The following RTN4 variants were observed in gnomAD, a reference collection of about 807,000 sequenced individuals.
RTN4 encodes reticulon-4.
RTN4 carries 32 observed loss-of-function variants against 90.4 expected under a neutral mutation model. The ratio of observed to expected loss-of-function variants is 0.35; its 90% CI spans 0.27 to 0.48. The LOEUF (loss-of-function observed/expected upper bound fraction) is 0.48. RTN4 is among the 20% of genes least tolerant of loss of function. The pLI, the probability that RTN4 is intolerant of heterozygous loss-of-function variation, is 0.99. For synonymous variants in RTN4, 629 were observed against 552.5 expected (o/e 1.14, Z -1.94); for missense variants, 1,706 against 1,430.2 (o/e 1.19, Z -3.11).
At chr2:55,007,701 C>T (rs1224483818) in intron 3 of RTN4, among the ~76,000 whole-genome samples, 4 of 152,010 alleles carry the variant, frequency 2.6e-5, no homozygotes, top group East Asian at 3.9e-4. Context: ...TGGTAGGTCA[C>T]GACCCAAGGA....
intron 4 of RTN4, among the ~76,000 whole-genome samples, chr2:54,986,731 G>A (rs550164170): frequency 2.0e-5 from 3 of 152,326 alleles, no homozygotes; most frequent in East Asian, 3.9e-4. Context: ...GTCGGGCGTT[G>A]GTTGGGGAGT....
chr2:55,108,576 G>A (rs932264856), intron 1 of RTN4, among the ~76,000 whole-genome samples: 1 of 152,060 alleles, frequency 6.6e-6, no homozygotes, highest in African/African-American at 2.4e-5. Flanking sequence ...AGCAGCTCTA[G>A]TGGAGGGATG....
At chr2:55,051,694 G>A (rs370677969), upstream of RTN4, among the ~76,000 whole-genome samples, 1 of 152,192 alleles carries the variant, frequency 6.6e-6, no homozygotes, top group Non-Finnish European at 1.5e-5. Flanking sequence ...CACTCGGAAT[G>A]TATGTAGCTA....
In RTN4 at chr2:55,026,841, C is replaced by G; in HGVS notation, c.1258G>C (p.Val420Leu). Reference sequence around the variant, plus strand: ...CTATCTGCAAAACATTTTTTATCCACTTTACTTTCCAAGTTGCTCTCGATT... The same window carrying G: ...CTATCTGCAAAACATTTTTTATCCAGTTTACTTTCCAAGTTGCTCTCGATT... ...GKIESNLESK[V>L]DKKCFADSLE... is the part of the protein sequence containing the mutation. Residue 420 changes from valine (V) to leucine (L), a missense_variant, in exon 3 of 9, where the codon GTG (valine) becomes CTG (leucine). Physicochemically the swap from Val to Leu is conservative, Grantham distance 32. Coordinates refer to ENST00000337526, the MANE Select transcript of RTN4 (RefSeq NM_020532.5). 1 of 1,613,866 alleles carries G rather than the reference C, an allele frequency of 6.2e-7. No individual in the cohort carries two copies. The highest frequency in any genetic ancestry group is 1.1e-5 in the South Asian group (1 of 91,074).
intron 1 of RTN4, among the ~76,000 whole-genome samples, chr2:55,103,486 T>C (rs1332050329): frequency 6.6e-6 from 1 of 152,016 alleles, no homozygotes; most frequent in Non-Finnish European, 1.5e-5. Context: ...TTCTTACCCA[T>C]ACACACACAA....
At chr2:55,007,616 C>T (rs183818170) in intron 3 of RTN4, among the ~76,000 whole-genome samples, 3 of 152,154 alleles carry the variant, frequency 2.0e-5, no homozygotes, top group African/African-American at 7.2e-5. Flanking sequence ...ATCACTGTTT[C>T]CCGAATTTGC....
chr2:55,108,091 G>A (rs1276720159), intron 1 of RTN4, among the ~76,000 whole-genome samples: 1 of 151,952 alleles, frequency 6.6e-6, no homozygotes, highest in Non-Finnish European at 1.5e-5. Context: ...AACTAGCTGG[G>A]ATTACAGGCG....
the RTN4 span, among the ~76,000 whole-genome samples, chr2:55,133,360 A>T: frequency 6.6e-6 from 1 of 152,054 alleles, no homozygotes. Flanking sequence ...TTTACTTTTT[A>T]TTTTTCAGTT....
At chr2:55,077,052 G>T (rs576753246) in intron 2 of RTN4, among the ~76,000 whole-genome samples, 2 of 146,892 alleles carry the variant, frequency 1.4e-5, no homozygotes, top group East Asian at 4.0e-4. Context: ...TCGCTCTGTC[G>T]TCCAGGTTGC....
In RTN4 at chr2:54,973,084, C is replaced by A; in HGVS notation, c.*72G>T. Reference sequence around the variant, plus strand: ...CTGCAACGTCAAGGTTCGTTCTTCCCTGACCCTCCCCCGTATAATCAAATG... The same window carrying A: ...CTGCAACGTCAAGGTTCGTTCTTCCATGACCCTCCCCCGTATAATCAAATG... On this transcript the variant is annotated 3_prime_UTR_variant, in exon 9 of 9. Transcript: ENST00000337526. 1 of 1,323,622 alleles carries A rather than the reference C, an allele frequency of 7.6e-7. No individual in the cohort carries two copies. Among genetic ancestry groups the A allele is most frequent in the Non-Finnish European group, 1.1e-6 (1 of 929,304 alleles). The allele number at this position is 1,323,622 out of a possible 1,614,324, so 82.0% of individuals were successfully genotyped here. A position where few individuals can be genotyped will look rare whatever the true frequency, so the allele number is the denominator to read the frequency against.
intron 6 of RTN4, 30 bp from the exon 7 acceptor site, chr2:54,973,897 A>C: frequency 6.3e-7 from 1 of 1,592,460 alleles, no homozygotes; most frequent in East Asian, 2.2e-5. Flanking sequence ...ACTTTTCAAA[A>C]AGAACGGAAT....
Position 55,025,460 on chromosome 2 carries a change from T to A in RTN4, c.2639A>T (p.Asp880Val), listed in dbSNP as rs746224674. The A allele has an allele frequency of 6.2e-7, 1 of 1,613,772 alleles. No homozygotes were observed. The highest frequency in any genetic ancestry group is 8.5e-7 in the Non-Finnish European group (1 of 1,179,822). ...TTCCCTGGCTAATTTAGAAAATGAATCAGTTTTAGAACTGATCAATGTAGG... is the reference window on the plus strand; with the variant it reads ...TTCCCTGGCTAATTTAGAAAATGAAACAGTTTTAGAACTGATCAATGTAGG... Reference protein sequence around the residue: ...EFPTLISSKTDSFSKLAREYT... With the variant: ...EFPTLISSKTVSFSKLAREYT... The change falls in exon 3 of 9, where the codon GAT becomes GTT. Residue 880 changes from aspartate (D) to valine (V), a missense_variant. Asp to Val is a radical substitution (Grantham distance 152, BLOSUM62 -3). Transcript: ENST00000337526.
chr2:55,114,806 T>G (rs1668094959), upstream of RTN4, among the ~76,000 whole-genome samples: 2 of 152,180 alleles, frequency 1.3e-5, no homozygotes, highest in South Asian at 4.1e-4. Context: ...GAAGCTTCCC[T>G]GGGTGCAAAT....
chr2:55,004,198 T>C (rs1342157780), intron 3 of RTN4, among the ~76,000 whole-genome samples: 1 of 152,184 alleles, frequency 6.6e-6, no homozygotes, highest in Non-Finnish European at 1.5e-5. Context: ...TGCCTGCCTT[T>C]TTTATTGCAG....
rs1237260360 is a variant in RTN4, at chr2:55,050,350, C to G, written c.-50G>C. The G allele has an allele frequency of 7.9e-7, 1 of 1,263,096 alleles. No homozygotes were observed. The highest frequency in any genetic ancestry group is 1.5e-5 in the African/African-American group (1 of 64,682). 78.2% of individuals were successfully genotyped at this position (1,263,096 alleles called of 1,614,324 possible). ...CAGCTGCTGCCGCCGCCGCCGGGGC[C>G]GCGTCTCAGAGCCGCGGGCGGTTGT... On this transcript the variant is annotated 5_prime_UTR_variant, in exon 1 of 9. Transcript: ENST00000337526. The surrounding 1 kb of genome is among the most constrained non-coding windows in gnomAD (Gnocchi z 4.6).
chr2:55,008,106 G>C (rs1253021905), intron 3 of RTN4, among the ~76,000 whole-genome samples: 1 of 150,976 alleles, frequency 6.6e-6, no homozygotes. Context: ...CAGCCTGAAA[G>C]ATCGAGTATC....
chr2:55,053,795 C>G (rs1217927196), upstream of RTN4, among the ~76,000 whole-genome samples: 1 of 152,046 alleles, frequency 6.6e-6, no homozygotes, highest in Non-Finnish European at 1.5e-5. Context: ...TCTGAGAACA[C>G]TACAAGAGAT....
intron 1 of RTN4, chr2:55,049,303 C>A: frequency 3.0e-6 from 1 of 331,544 alleles, no homozygotes. Context: ...GCACCTTTTC[C>A]AAAGGAGCAA....
At chr2:55,071,342 G>A (rs541685717) in intron 2 of RTN4, among the ~76,000 whole-genome samples, 43 of 151,918 alleles carry the variant, frequency 2.8e-4, no homozygotes, top group South Asian at 2.1e-3. Context: ...TTCTGTACGG[G>A]TGATTATAAG....
Sources: allele counts gnomAD v4.1 joint callset (sites outside exome capture counted in the v4.1 genomes callset), GRCh38; gene constraint gnomAD v4.1.1; non-coding constraint Gnocchi (gnomAD v3.1); transcripts MANE v1.5; gene names NCBI Gene and HGNC (gene_info 2026-07-23, HGNC 2026-07-21).